The following LYN variants were observed in gnomAD, a reference collection of about 807,000 sequenced individuals.
The protein encoded by LYN is LYN proto-oncogene, Src family tyrosine kinase.
In LYN, 12 loss-of-function variants were observed where a neutral mutation model predicts 65.0. That is an observed-to-expected ratio of 0.18 (90% CI 0.12 to 0.30). The LOEUF (loss-of-function observed/expected upper bound fraction) is 0.30, where lower values mean the gene tolerates loss of function less well. Ranked by LOEUF, LYN falls within the 10% of genes least tolerant of loss-of-function variation. The pLI, the probability that LYN is intolerant of heterozygous loss-of-function variation, is 1.00. For synonymous variants in LYN, 222 were observed against 221.2 expected, an observed-to-expected ratio of 1.00 and a Z score of -0.03; for missense variants, 380 against 623.2, an observed-to-expected ratio of 0.61 and a Z score of 4.16.
chr8:56,012,350 G>C lies in LYN; in HGVS notation c.*2240G>C, dbSNP rs896569143. On this transcript the variant is annotated 3_prime_UTR_variant, in exon 13 of 13. Coordinates refer to ENST00000519728, the MANE Select transcript of LYN (RefSeq NM_002350.4). ...TCAGGTTATTGTAGAGAACTGGAAA[G>C]ACAGAATCCATACTCCCTACCGCCA... 2.8e-5 allele frequency: 5 copies of C among 179,598 alleles called. No individual in the cohort carries two copies. The highest frequency in any genetic ancestry group is 1.2e-4 in the African/African-American group (5 of 42,342). The allele number at this position is 179,598 out of a possible 1,614,324, so 11.1% of individuals were successfully genotyped here. A position where few individuals can be genotyped will look rare whatever the true frequency, so the allele number is the denominator to read the frequency against.
At position 55,998,423 on chromosome 8, in the gene LYN, C is replaced by G; in HGVS notation, c.1128C>G (p.Ser376=). Residue 376 remains serine, a synonymous_variant, in exon 11 of 13, where the codon TCC becomes TCG. Coordinates refer to ENST00000519728, the MANE Select transcript of LYN (RefSeq NM_002350.4). The part of the protein sequence containing the change: ...RDLRAANVLV[S]ESLMCKIADF... The stretch of plus-strand genomic sequence containing the variant: ...TGCGAGCAGCTAATGTTCTGGTCTC[C>G]GAGTCACTCATGTGCAAAATTGCAG... 6.2e-7 allele frequency: 1 copy of G among 1,613,922 alleles called. No individual in the cohort carries two copies. The highest frequency in any genetic ancestry group is 1.1e-5 in the South Asian group (1 of 91,078).
Position 55,946,059 on chromosome 8 carries a change from G to C in LYN, c.133-389G>C, listed in dbSNP as rs564549365. 1.6e-4 allele frequency among the ~76,000 whole-genome samples: 25 copies of C among 152,342 alleles called. No homozygotes were observed. In the South Asian group the frequency reaches 5.0e-3, roughly 30 times the overall value. On this transcript the variant is annotated intron_variant, in intron 2 of 12. Coordinates refer to ENST00000519728, the MANE Select transcript of LYN (RefSeq NM_002350.4). ...GCTGACAGCAAAGCCCTGCACAACC[G>C]ATCTGCGGACCAAAACTCCCTCTGC...
intron 10 of LYN, among the ~76,000 whole-genome samples, chr8:55,988,022 A>C (rs1427950467): frequency 6.6e-6 from 1 of 152,224 alleles, no homozygotes; most frequent in Non-Finnish European, 1.5e-5. Context: ...GGAGATTATT[A>C]TGATAACCAA....
Position 55,950,443 on chromosome 8 carries a change from T to A in LYN, c.285-16T>A. ...GTAATCTTTTAGCTTCTTTTTGATG[T>A]GTATTTCTATTCTAGGCATGGAGAA... On this transcript the variant is annotated splice_polypyrimidine_tract_variant and intron_variant, in intron 4 of 12. Coordinates refer to ENST00000519728, the MANE Select transcript of LYN (RefSeq NM_002350.4). The A allele has an allele frequency of 6.4e-7, 1 of 1,561,760 alleles. No homozygotes were observed. Among genetic ancestry groups the A allele is most frequent in the Non-Finnish European group, 8.8e-7 (1 of 1,142,408 alleles).
chr8:55,960,984 G>A (rs943826912), intron 8 of LYN, among the ~76,000 whole-genome samples: 4 of 152,132 alleles, frequency 2.6e-5, no homozygotes, highest in Admixed American at 6.5e-5. Flanking sequence ...AATCAACTGG[G>A]CAGTGAGGCT....
chr8:55,915,051 A>T (rs1563508651), intron 1 of LYN, among the ~76,000 whole-genome samples: 1 of 152,206 alleles, frequency 6.6e-6, no homozygotes, highest in African/African-American at 2.4e-5. Context: ...ACATTTTATA[A>T]TACTTACTGT....
intron 8 of LYN, among the ~76,000 whole-genome samples, chr8:55,958,327 T>C (rs555145315): frequency 1.2e-4 from 18 of 152,350 alleles, no homozygotes; most frequent in Middle Eastern, 6.8e-3. Context: ...GAAACAAGTT[T>C]AGAAGAGAAG....
intron 9 of LYN, among the ~76,000 whole-genome samples, chr8:55,969,329 T>C (rs1181799925): frequency 6.6e-6 from 1 of 152,164 alleles, no homozygotes; most frequent in Non-Finnish European, 1.5e-5. Flanking sequence ...TTTTGCTGAA[T>C]ACAGATGGGA....
At chr8:55,958,256 C>G (rs1326990792) in intron 8 of LYN, among the ~76,000 whole-genome samples, 4 of 152,204 alleles carry the variant, frequency 2.6e-5, no homozygotes, top group Non-Finnish European at 5.9e-5. Flanking sequence ...TCTCTTCTTT[C>G]CTGCACACAG....
At chr8:56,001,268 C>T (rs144408332) in intron 12 of LYN, among the ~76,000 whole-genome samples, 89 of 151,826 alleles carry the variant, frequency 5.9e-4, no homozygotes, top group Admixed American at 1.6e-3. Flanking sequence ...GAATGAATGA[C>T]GCACCTAGGC....
chr8:55,880,246 G>C (rs1804612414), intron 1 of LYN, 143 bp downstream of exon 1: 1 of 154,288 alleles, frequency 6.5e-6, no homozygotes. Context: ...GCGGCTTCCT[G>C]GCCGCACCGC....
chr8:55,918,190 T>TGTGTGGC (rs1805834080), intron 1 of LYN, among the ~76,000 whole-genome samples: 1 of 152,228 alleles, frequency 6.6e-6, no homozygotes, highest in African/African-American at 2.4e-5. Flanking sequence ...CAGGACACTT[T>TGTGTGGC]GTGTGGCTGT....
intron 10 of LYN, among the ~76,000 whole-genome samples, chr8:55,976,592 G>C (rs1271312826): frequency 6.6e-6 from 1 of 152,122 alleles, no homozygotes; most frequent in Non-Finnish European, 1.5e-5. Context: ...GGCAAAGACA[G>C]GGTACAGCCC....
chr8:55,994,881 A>C (rs2130576579), intron 10 of LYN, among the ~76,000 whole-genome samples: 1 of 152,316 alleles, frequency 6.6e-6, no homozygotes, highest in South Asian at 2.1e-4. Context: ...GGCTCCTGTA[A>C]CCAACTCTGG....
intron 1 of LYN, among the ~76,000 whole-genome samples, chr8:55,906,443 T>C (rs935045339): frequency 6.6e-6 from 1 of 152,064 alleles, no homozygotes; most frequent in Non-Finnish European, 1.5e-5. Context: ...CACTGCAACT[T>C]CCACCTCCTG....
At chr8:55,960,895 G>A (rs1486185899) in intron 8 of LYN, among the ~76,000 whole-genome samples, 1 of 152,130 alleles carries the variant, frequency 6.6e-6, no homozygotes, top group Non-Finnish European at 1.5e-5. Flanking sequence ...GCTTCAAGCT[G>A]TTTCCTCTTG....
At chr8:55,979,715 GATCTCACCCTGATTCAGCGTCACCCC>G (rs1807863758) in intron 10 of LYN, among the ~76,000 whole-genome samples, 1 of 152,178 alleles carries the variant, frequency 6.6e-6, no homozygotes. Flanking sequence ...CAGCTCTGCA[GATCTCACCCTGATTCAGCGTCACCCC>G]AGGAAATGGT....
At chr8:55,927,883 A>G (rs1385023807) in intron 1 of LYN, among the ~76,000 whole-genome samples, 1 of 152,112 alleles carries the variant, frequency 6.6e-6, no homozygotes, top group Non-Finnish European at 1.5e-5. Flanking sequence ...ATCTATGTGC[A>G]GGTTTTTGTG....
At chr8:55,949,668 C>T (rs1405183512) in intron 4 of LYN, among the ~76,000 whole-genome samples, 1 of 152,192 alleles carries the variant, frequency 6.6e-6, no homozygotes, top group Admixed American at 6.5e-5. Context: ...GCATATCCAT[C>T]ATCTGGAACA....
Sources: allele counts gnomAD v4.1 joint callset (sites outside exome capture counted in the v4.1 genomes callset), GRCh38; gene constraint gnomAD v4.1.1; transcripts MANE v1.5; gene names NCBI Gene and HGNC (gene_info 2026-07-23, HGNC 2026-07-21).